The following NCAM2 variants were observed in gnomAD, a reference collection of about 807,000 sequenced individuals.
NCAM2 encodes the protein N-CAM-2.
In NCAM2, 30 loss-of-function variants were observed where a neutral mutation model predicts 98.1. The ratio of observed to expected loss-of-function variants is 0.31; its 90% CI spans 0.23 to 0.41. The LOEUF (loss-of-function observed/expected upper bound fraction) is 0.41. NCAM2 is among the 10% of genes least tolerant of loss of function. The probability of loss-of-function intolerance (pLI) is 1.00; values close to 1 mark genes in which losing one functional copy is unlikely to be tolerated. For missense variants in NCAM2, 867 were observed against 1,005.8 expected (o/e 0.86, Z 1.87); for synonymous variants, 368 against 342.4 (o/e 1.07, Z -0.83).
intron 5 of NCAM2, among the ~76,000 whole-genome samples, chr21:21,321,699 AG>A (rs1568931180): frequency 1.3e-5 from 2 of 152,138 alleles, no homozygotes; most frequent in Non-Finnish European, 2.9e-5. Context: ...ACTTTGTCAA[AG>A]TTCAGATGGA....
chr21:21,049,961 G>A (rs1346217494), intron 1 of NCAM2, among the ~76,000 whole-genome samples: 1 of 152,018 alleles, frequency 6.6e-6, no homozygotes, highest in Non-Finnish European at 1.5e-5. Flanking sequence ...TGTTATTGTT[G>A]GGTTAGGAGC....
At chr21:21,175,200 G>A (rs545323979) in intron 1 of NCAM2, among the ~76,000 whole-genome samples, 56 of 152,122 alleles carry the variant, frequency 3.7e-4, no homozygotes, top group Non-Finnish European at 6.9e-4. Context: ...CAGTAATCCG[G>A]GGTCAGTGGG....
At chr21:21,146,308 T>C (rs1165676851) in intron 1 of NCAM2, among the ~76,000 whole-genome samples, 1 of 151,698 alleles carries the variant, frequency 6.6e-6, no homozygotes, top group Non-Finnish European at 1.5e-5. Context: ...TTTTGTTTTG[T>C]TTTTTCATGG....
chr21:21,528,991 G>A (rs1396362248), intron 16 of NCAM2, among the ~76,000 whole-genome samples: 3 of 152,052 alleles, frequency 2.0e-5, no homozygotes, highest in Non-Finnish European at 2.9e-5. Flanking sequence ...CAAAAAACGA[G>A]TGAAATTTTG....
chr21:21,103,906 T>C (rs1021023335), intron 1 of NCAM2, among the ~76,000 whole-genome samples: 1 of 152,098 alleles, frequency 6.6e-6, no homozygotes, highest in African/African-American at 2.4e-5. Flanking sequence ...TGAAACATGT[T>C]AGTACCATTT....
At chr21:21,190,499 G>T (rs976392690) in intron 1 of NCAM2, among the ~76,000 whole-genome samples, 1 of 152,118 alleles carries the variant, frequency 6.6e-6, no homozygotes, top group Non-Finnish European at 1.5e-5. Context: ...CTTCTGGTTC[G>T]ACTCTGAGTC....
intron 8 of NCAM2, among the ~76,000 whole-genome samples, chr21:21,360,467 A>C (rs1367806777): frequency 6.6e-6 from 1 of 151,994 alleles, no homozygotes. Flanking sequence ...CTTTCTCAGA[A>C]GTTACATGAT....
chr21:21,418,568 T>A lies in NCAM2; in HGVS notation c.1479T>A (p.Ala493=). ...TTCAAGAATATATTCTTGCTTTGGC[T>A]GGTAAGTATAGCACAATAATTTTTG... ...TRFQEYILAL[A]DVPSSPYGVK... The change falls in exon 11 of 18, where the codon GCT becomes GCA. Residue 493 remains alanine (A), a splice_region_variant and synonymous_variant. Transcript: ENST00000400546. 6.3e-7 allele frequency: 1 copy of A among 1,593,156 alleles called. No individual in the cohort carries two copies. Among genetic ancestry groups the A allele is most frequent in the Non-Finnish European group, 8.6e-7 (1 of 1,161,224 alleles).
At chr21:21,161,853 A>G (rs1044134519) in intron 1 of NCAM2, among the ~76,000 whole-genome samples, 3 of 151,970 alleles carry the variant, frequency 2.0e-5, no homozygotes, top group African/African-American at 4.8e-5. Flanking sequence ...AAATGAGCAG[A>G]GATGTTGCAG....
chr21:21,268,453 G>A (rs1281441455), intron 1 of NCAM2, among the ~76,000 whole-genome samples: 4 of 152,246 alleles, frequency 2.6e-5, no homozygotes, highest in South Asian at 2.1e-4. Context: ...AGTGTTTAAC[G>A]TTGATGCAGG....
intron 1 of NCAM2, among the ~76,000 whole-genome samples, chr21:21,035,582 G>C (rs1457158820): frequency 6.6e-6 from 1 of 152,028 alleles, no homozygotes; most frequent in Non-Finnish European, 1.5e-5. Flanking sequence ...GTTCAATTTG[G>C]TGTTAAATCT....
At chr21:21,363,206 G>T (rs1184434728) in intron 8 of NCAM2, among the ~76,000 whole-genome samples, 1 of 152,086 alleles carries the variant, frequency 6.6e-6, no homozygotes, top group Non-Finnish European at 1.5e-5. Context: ...AGAAGCAAGA[G>T]ATTAAAGAGC....
rs577625832 is a variant in NCAM2, at chr21:21,371,229, G to A, written c.1045-2634G>A. On this transcript the variant is annotated intron_variant, in intron 8 of 17. Coordinates refer to ENST00000400546, the MANE Select transcript of NCAM2 (RefSeq NM_004540.5). ...TATGACTGTAGAAACTGGTGGATTT[G>A]ATACATTAAAACAGTTTTGAGAAGG... 1.5e-3 allele frequency among the ~76,000 whole-genome samples: 225 copies of A among 151,950 alleles called. 2 individuals carry two copies. The highest frequency in any genetic ancestry group is 5.2e-3 in the African/African-American group (218 of 41,532).
chr21:21,171,922 A>T (rs997769763), intron 1 of NCAM2, among the ~76,000 whole-genome samples: 3 of 152,136 alleles, frequency 2.0e-5, no homozygotes, highest in Non-Finnish European at 2.9e-5. Flanking sequence ...CACATTATTT[A>T]TATTTCCAAA....
chr21:21,086,805 T>C (rs917590931), intron 1 of NCAM2, among the ~76,000 whole-genome samples: 3 of 152,138 alleles, frequency 2.0e-5, no homozygotes, highest in African/African-American at 7.2e-5. Context: ...GATTATGGTT[T>C]AAGAGATTTC....
chr21:21,322,900 C>T (rs1430345407), intron 5 of NCAM2, among the ~76,000 whole-genome samples: 5 of 152,146 alleles, frequency 3.3e-5, no homozygotes, highest in African/African-American at 9.7e-5. Flanking sequence ...TAGTCCACCA[C>T]GTCCATGTTA....
intron 1 of NCAM2, among the ~76,000 whole-genome samples, chr21:21,116,592 C>T (rs376745615): frequency 7.0e-4 from 106 of 152,276 alleles, no homozygotes; most frequent in African/African-American, 2.4e-3. Context: ...CAGCGGCTCA[C>T]GCCTGTAATC....
intron 5 of NCAM2, among the ~76,000 whole-genome samples, chr21:21,311,172 G>T (rs528975001): frequency 1.3e-5 from 2 of 152,136 alleles, no homozygotes; most frequent in African/African-American, 2.4e-5. Flanking sequence ...AGTTTTAAAA[G>T]AATTTTACTT....
intron 8 of NCAM2, among the ~76,000 whole-genome samples, chr21:21,343,516 C>T (rs1243850661): frequency 1.3e-5 from 2 of 152,130 alleles, no homozygotes; most frequent in East Asian, 1.9e-4. Flanking sequence ...ACCAACAAAC[C>T]TCCACCACCC....
Sources: gnomAD v4.1 joint callset for allele counts (sites outside exome capture counted in the v4.1 genomes callset) on GRCh38, gnomAD v4.1.1 for gene constraint, MANE v1.5 for transcripts, NCBI Gene and HGNC (gene_info 2026-07-23, HGNC 2026-07-21) for gene names.